PDE4A: variants seen among roughly 807,000 people sequenced by gnomAD.
The protein encoded by PDE4A is 3',5'-cyclic-AMP phosphodiesterase 4A.
PDE4A carries 21 observed loss-of-function variants against 73.9 expected under a neutral mutation model. That is an observed-to-expected ratio of 0.28 (90% CI 0.20 to 0.41). PDE4A has a LOEUF of 0.41. PDE4A is among the 10% of genes least tolerant of loss of function. PDE4A has a pLI of 1.00. For missense variants in PDE4A, 958 were observed against 1,211.4 expected (o/e 0.79, Z 3.10); for synonymous variants, 463 against 505.4 (o/e 0.92, Z 1.13).
Position 10,458,358 on chromosome 19 carries a change from G to T in PDE4A, c.1101+256G>T, listed in dbSNP as rs2043205268. Among the ~76,000 whole-genome samples, 2 of 152,160 alleles carry T rather than the reference G, an allele frequency of 1.3e-5. No individual in the cohort carries two copies. Among genetic ancestry groups the T allele is most frequent in the South Asian group, 4.1e-4 (2 of 4,836 alleles). On this transcript the variant is annotated intron_variant, in intron 8 of 14. Transcript: ENST00000380702. This position sits in a 1 kb window ranked among gnomAD's most constrained non-coding sequence, Gnocchi z 4.6. ...TGGGACTAGTCTTCTGGAAATGCAG[G>T]CAGCTGTGAGCCTTAGCAGGCAACA...
Position 10,420,619 on chromosome 19 carries a change from GCCCCCGGGTCTGTC to G in PDE4A, c.-142_-129del, listed in dbSNP as rs937630867. On this transcript the variant is annotated 5_prime_UTR_variant, in exon 1 of 15. Coordinates refer to ENST00000380702, the MANE Select transcript of PDE4A (RefSeq NM_001111307.2). The surrounding 1 kb of genome is among the most constrained non-coding windows in gnomAD (Gnocchi z 6.0). ...GGCCCGGGGGCGATTGGCCCGCAGC[GCCCCCGGGTCTGTC>G]CCCGGGGCGCCATGGCCCTACCGCG... 3.8e-6 allele frequency: 5 copies of G among 1,306,428 alleles called. No homozygotes were observed. The highest frequency in any genetic ancestry group is 1.6e-5 in the African/African-American group (1 of 64,272). The allele number at this position is 1,306,428 out of a possible 1,614,324, so 80.9% of individuals were successfully genotyped here. A position where few individuals can be genotyped will look rare whatever the true frequency, so the allele number is the denominator to read the frequency against.
chr19:10,438,314 T>C (rs907406554), intron 1 of PDE4A, among the ~76,000 whole-genome samples: 4 of 151,926 alleles, frequency 2.6e-5, no homozygotes, highest in South Asian at 2.1e-4. Flanking sequence ...GGTTTCATCA[T>C]GTTGGCCGGG....
chr19:10,425,176 A>G (rs1250377100), intron 1 of PDE4A, among the ~76,000 whole-genome samples: 1 of 151,686 alleles, frequency 6.6e-6, no homozygotes. Flanking sequence ...GTGAGTCGAG[A>G]TGGCACCACT....
chr19:10,451,110 C>A (rs2043083599), intron 6 of PDE4A, among the ~76,000 whole-genome samples, 169 bp downstream of exon 6: 1 of 151,728 alleles, frequency 6.6e-6, no homozygotes, highest in South Asian at 2.1e-4. Context: ...AGGGCAGGGC[C>A]AATCCCTGGG....
At position 10,452,613 on chromosome 19, in the gene PDE4A, G is replaced by GGTGT. The variant is rs138348522; in HGVS notation, c.783+1690_783+1693dup. 5.4e-3 allele frequency among the ~76,000 whole-genome samples: 794 copies of GGTGT among 147,352 alleles called. 8 individuals carry two copies. Among genetic ancestry groups the GGTGT allele is most frequent in the African/African-American group, 0.019 (750 of 40,338 alleles). Reference sequence around the variant, plus strand: ...GACATCAGAGTTGTGACTGTCTCCGGGTGTGTGTGTGTGTGTGTGTGCTGT... The same window carrying GGTGT: ...GACATCAGAGTTGTGACTGTCTCCGGGTGTGTGTGTGTGTGTGTGTGTGTGCTGT... On this transcript the variant is annotated intron_variant, in intron 6 of 14. Coordinates refer to ENST00000380702, the MANE Select transcript of PDE4A (RefSeq NM_001111307.2).
chr19:10,457,154 G>A (rs1451969664), intron 7 of PDE4A, among the ~76,000 whole-genome samples: 4 of 152,264 alleles, frequency 2.6e-5, no homozygotes, highest in South Asian at 2.1e-4. Context: ...GCCAGAGATC[G>A]TGCCACTGCA....
At chr19:10,439,188 T>G (rs565101177) in intron 1 of PDE4A, among the ~76,000 whole-genome samples, 253 of 152,156 alleles carry the variant, frequency 1.7e-3, no homozygotes, top group Non-Finnish European at 2.7e-3. Context: ...TGTTTGTTTG[T>G]TTGGTTGGTT....
At chr19:10,431,199 A>G (rs1302665366) in intron 1 of PDE4A, 3 of 732,184 alleles carry the variant, frequency 4.1e-6, no homozygotes, top group Admixed American at 4.1e-5. Context: ...CTTCTGTCAC[A>G]TAGCAGCGAT....
At position 10,457,964 on chromosome 19, in the gene PDE4A, G is replaced by A. The variant is rs976318961; in HGVS notation, c.963G>A (p.Pro321=). The A allele has an allele frequency of 3.8e-6, 6 of 1,580,844 alleles. No homozygotes were observed. Among genetic ancestry groups the A allele is most frequent in the South Asian group, 2.2e-5 (2 of 90,258 alleles). ...CGCCGCGACCAAGACCCTCCCAGCC[G>A]CCCCCGCCCCCTGTACCACACTTAC... ...QQAPRPRPSQ[P]PPPPVPHLQP... The change falls in exon 8 of 15, where the codon CCG becomes CCA. Residue 321 remains proline, a synonymous_variant. Transcript: ENST00000380702.
At chr19:10,427,751 T>G (rs1365606579) in intron 1 of PDE4A, 1 of 965,098 alleles carries the variant, frequency 1.0e-6, no homozygotes, top group Non-Finnish European at 1.2e-6. Context: ...ATGGGCCTAG[T>G]AAAAACCGTA....
intron 1 of PDE4A, among the ~76,000 whole-genome samples, chr19:10,442,546 A>G (rs1235890162): frequency 6.6e-6 from 1 of 151,928 alleles, no homozygotes; most frequent in East Asian, 1.9e-4. Context: ...AAGCAAAACA[A>G]AAATGTATAA....
rs200361870 is a variant in PDE4A at position 10,467,713 on chromosome 19, C to T, written c.*92C>T. 9 of 945,054 alleles carry T rather than the reference C, an allele frequency of 9.5e-6. No individual in the cohort carries two copies. The highest frequency in any genetic ancestry group is 1.4e-5 in the Non-Finnish European group (9 of 643,692). 58.5% of individuals were successfully genotyped at this position (945,054 alleles called of 1,614,324 possible). On this transcript the variant is annotated 3_prime_UTR_variant, in exon 15 of 15. Transcript: ENST00000380702. ...CTCCTCTGCCTCAAAGACTCTTGTC[C>T]TCTTGTCCCTCCTGAGAAAAAAGAA...
At chr19:10,428,442 C>T (rs2042746478) in intron 1 of PDE4A, among the ~76,000 whole-genome samples, 1 of 151,902 alleles carries the variant, frequency 6.6e-6, no homozygotes, top group Non-Finnish European at 1.5e-5. Flanking sequence ...GCACTGGATG[C>T]ACAGGAAGCT....
chr19:10,421,299 G>T, intron 1 of PDE4A: 6 of 985,438 alleles, frequency 6.1e-6, no homozygotes, highest in Non-Finnish European at 7.2e-6. Flanking sequence ...GGTCCATTTA[G>T]GGGGCGCCAC....
At chr19:10,421,177 G>T (rs2042646576) in intron 1 of PDE4A, 93 bp downstream of exon 1, 1 of 1,335,246 alleles carries the variant, frequency 7.5e-7, no homozygotes, top group Non-Finnish European at 9.5e-7. Flanking sequence ...CTAGGATGCG[G>T]GTGGGGTCGG....
rs1231480859 is a variant in PDE4A at position 10,467,598 on chromosome 19, G to A, written c.2638G>A (p.Gly880Arg). 1.9e-6 allele frequency: 3 copies of A among 1,581,054 alleles called. No homozygotes were observed. The highest frequency in any genetic ancestry group is 2.7e-5 in the African/African-American group (2 of 74,350). Residue 880 changes from glycine to arginine, a missense_variant, in exon 15 of 15, where the codon GGG (glycine) becomes AGG (arginine). Physicochemically the swap from Gly to Arg is moderately radical, Grantham distance 125. Around this residue, in one of 3 missense-constraint regions of PDE4A, gnomAD observed 243 missense variants for 245.9 expected, o/e 0.99. Coordinates refer to ENST00000380702, the MANE Select transcript of PDE4A (RefSeq NM_001111307.2). ...TSALPAPGGG[G>R]SGGDPT ...CGCACTCCCAGCTCCTGGTGGCGGG[G>A]GGTCAGGTGGAGACCCTACCTGATC... is the stretch of plus-strand genomic sequence containing the variant.
intron 6 of PDE4A, among the ~76,000 whole-genome samples, chr19:10,452,589 A>G (rs2043108911): frequency 6.6e-6 from 1 of 150,914 alleles, no homozygotes; most frequent in Non-Finnish European, 1.5e-5. Context: ...AGTGTGTTGG[A>G]CATCAGAGTT....
chr19:10,443,004 A>G (rs1207660624), intron 1 of PDE4A, among the ~76,000 whole-genome samples: 1 of 151,948 alleles, frequency 6.6e-6, no homozygotes, highest in Non-Finnish European at 1.5e-5. Context: ...ATTACATATT[A>G]CCTATTACTA....
intron 6 of PDE4A, 22 bp from the exon 7 acceptor site, chr19:10,454,807 C>T: frequency 1.2e-6 from 2 of 1,613,782 alleles, no homozygotes; most frequent in South Asian, 2.2e-5. Flanking sequence ...TCATTTCTTC[C>T]TTGTTGACTC....
Sources: gnomAD v4.1 joint callset for allele counts (sites outside exome capture counted in the v4.1 genomes callset) on GRCh38, gnomAD v4.1.1 for gene constraint, gnomAD v4.1.1 regional missense constraint, Gnocchi (gnomAD v3.1) non-coding constraint, MANE v1.5 for transcripts, NCBI Gene and HGNC (gene_info 2026-07-23, HGNC 2026-07-21) for gene names.